MAST2: variants seen among roughly 807,000 people sequenced by gnomAD.
MAST2 encodes microtubule associated serine/threonine kinase 2.
MAST2 carries 70 observed loss-of-function variants against 147.4 expected under a neutral mutation model. That is an observed-to-expected ratio of 0.47 (90% CI 0.39 to 0.58). The LOEUF (loss-of-function observed/expected upper bound fraction) is 0.58. MAST2 is among the 20% of genes least tolerant of loss of function. MAST2 has a pLI of 0.00. For synonymous variants in MAST2, 869 were observed against 896.8 expected, an observed-to-expected ratio of 0.97 and a Z score of 0.55; for missense variants, 2,080 against 2,302.3, an observed-to-expected ratio of 0.90 and a Z score of 1.98.
chr1:45,824,582 TAA>T lies in MAST2; in HGVS notation c.325+4_325+5del. On this transcript the variant is annotated splice_donor_region_variant and intron_variant, in intron 2 of 28. Transcript: ENST00000361297. ...GAAACCTGGCCAGCTCTCTATCGGG[TAA>T]ATATCTGATTTTGTTGTTTTAAGAA... 1 of 1,578,876 alleles carries T rather than the reference TAA, an allele frequency of 6.3e-7. No individual in the cohort carries two copies. The highest frequency in any genetic ancestry group is 1.4e-5 in the African/African-American group (1 of 73,902).
rs61544126 is a variant in MAST2, at chr1:45,933,063, TAAAAA to T, written c.501-26302_501-26298del. On this transcript the variant is annotated intron_variant, in intron 4 of 28. Transcript: ENST00000361297. ...GCAACTTAGTGAGACCCCATTTCTT[TAAAAA>T]AAAAAAAAAAAAAAAAAAAAGGCCA... Among the ~76,000 whole-genome samples, 408 of 88,260 alleles carry T rather than the reference TAAAAA, an allele frequency of 4.6e-3. 2 individuals are homozygous for T. Among genetic ancestry groups the T allele is most frequent in the African/African-American group, 0.017 (382 of 21,952 alleles). The allele number at this position is 88,260 out of a possible 152,430, so 57.9% of individuals were successfully genotyped here.
At chr1:45,957,825 G>A (rs371692635) in intron 4 of MAST2, among the ~76,000 whole-genome samples, 1 of 152,198 alleles carries the variant, frequency 6.6e-6, no homozygotes, top group East Asian at 1.9e-4. Flanking sequence ...CAGCCAGCAT[G>A]ATTCTGGGTT....
intron 5 of MAST2, among the ~76,000 whole-genome samples, chr1:45,985,014 A>C (rs1371713202): frequency 6.6e-6 from 1 of 152,232 alleles, no homozygotes; most frequent in Non-Finnish European, 1.5e-5. Flanking sequence ...AACAAATGTT[A>C]CTGTGATAAA....
chr1:45,864,934 G>T (rs947609867), intron 3 of MAST2, among the ~76,000 whole-genome samples: 3 of 152,230 alleles, frequency 2.0e-5, no homozygotes, highest in South Asian at 4.1e-4. Context: ...ACGTGATTCT[G>T]ATATGAGGCA....
intron 5 of MAST2, among the ~76,000 whole-genome samples, chr1:45,969,059 CTATTTA>C (rs1414943812): frequency 6.6e-6 from 1 of 152,062 alleles, no homozygotes; most frequent in Non-Finnish European, 1.5e-5. Flanking sequence ...CTTAGAATTT[CTATTTA>C]TATTATCCAT....
intron 3 of MAST2, among the ~76,000 whole-genome samples, chr1:45,839,618 T>C (rs1645212780): frequency 6.6e-6 from 1 of 152,164 alleles, no homozygotes; most frequent in South Asian, 2.1e-4. Flanking sequence ...TCCATTAAGC[T>C]ATAGATTTAA....
At chr1:45,860,614 C>G (rs1439663712) in intron 3 of MAST2, among the ~76,000 whole-genome samples, 1 of 151,962 alleles carries the variant, frequency 6.6e-6, no homozygotes, top group Non-Finnish European at 1.5e-5. Context: ...GGCGGATCAC[C>G]TGAGGTCAGA....
chr1:46,025,960 T>G, intron 16 of MAST2, 145 bp downstream of exon 16: 5 of 1,026,366 alleles, frequency 4.9e-6, no homozygotes, highest in Non-Finnish European at 7.3e-6. Flanking sequence ...CCTAGTTCTC[T>G]AGCCCCCCGA....
At chr1:45,955,935 T>C (rs979244426) in intron 4 of MAST2, among the ~76,000 whole-genome samples, 3 of 152,174 alleles carry the variant, frequency 2.0e-5, no homozygotes, top group Non-Finnish European at 4.4e-5. Context: ...ATATAATAGA[T>C]TGTATGACTG....
At chr1:45,989,431 GT>G (rs1343209232) in intron 5 of MAST2, among the ~76,000 whole-genome samples, 1 of 152,100 alleles carries the variant, frequency 6.6e-6, no homozygotes, top group Non-Finnish European at 1.5e-5. Flanking sequence ...CATTTCCAAA[GT>G]TTCTTACGTC....
At chr1:45,980,603 C>T (rs764676487) in intron 5 of MAST2, among the ~76,000 whole-genome samples, 5 of 152,148 alleles carry the variant, frequency 3.3e-5, no homozygotes, top group East Asian at 1.9e-4. Flanking sequence ...GGCATGATCA[C>T]GGCTCATTGC....
chr1:45,833,746 G>A (rs936352902), intron 3 of MAST2, among the ~76,000 whole-genome samples: 1 of 151,976 alleles, frequency 6.6e-6, no homozygotes, highest in African/African-American at 2.4e-5. Flanking sequence ...TGTCTATTTG[G>A]ATTATTGGCC....
At chr1:45,863,922 A>G (rs920127336) in intron 3 of MAST2, among the ~76,000 whole-genome samples, 1 of 152,174 alleles carries the variant, frequency 6.6e-6, no homozygotes, top group African/African-American at 2.4e-5. Flanking sequence ...TTCACTAACA[A>G]TTTTGTGTGT....
At chr1:46,022,751 G>A (rs1434173731) in intron 12 of MAST2, among the ~76,000 whole-genome samples, 159 bp from the exon 13 acceptor site, 1 of 152,184 alleles carries the variant, frequency 6.6e-6, no homozygotes, top group African/African-American at 2.4e-5. Flanking sequence ...CAAAAGCTGG[G>A]ACTACATTGG....
At chr1:45,820,585 A>G (rs1393331446) in intron 1 of MAST2, among the ~76,000 whole-genome samples, 3 of 152,116 alleles carry the variant, frequency 2.0e-5, no homozygotes, top group Non-Finnish European at 2.9e-5. Context: ...TAGATTTATA[A>G]TTTTTTAATG....
intron 4 of MAST2, among the ~76,000 whole-genome samples, chr1:45,919,922 T>C (rs1349435510): frequency 1.3e-5 from 2 of 152,214 alleles, no homozygotes; most frequent in Admixed American, 1.3e-4. Context: ...TTTTAGCTTG[T>C]TGTTTGCTAG....
At chr1:46,024,021 A>T (rs930900554) in intron 15 of MAST2, 41 bp downstream of exon 15, 1 of 1,590,952 alleles carries the variant, frequency 6.3e-7, no homozygotes, top group Non-Finnish European at 8.6e-7. Context: ...GCCAAGGCAC[A>T]GTCTGAGACT....
chr1:45,889,772 AT>A (rs374925761), intron 4 of MAST2, among the ~76,000 whole-genome samples: 81 of 145,626 alleles, frequency 5.6e-4, no homozygotes, highest in Admixed American at 6.2e-4. Flanking sequence ...CACCCAGCTA[AT>A]TTTTTTTTTT....
intron 5 of MAST2, among the ~76,000 whole-genome samples, chr1:45,993,172 T>A (rs1395530637): frequency 6.6e-6 from 1 of 152,070 alleles, no homozygotes; most frequent in Non-Finnish European, 1.5e-5. Flanking sequence ...TTAAAGAGAT[T>A]TAAATAATAA....
Sources: gnomAD v4.1 joint callset for allele counts (sites outside exome capture counted in the v4.1 genomes callset) on GRCh38, gnomAD v4.1.1 for gene constraint, MANE v1.5 for transcripts, NCBI Gene and HGNC (gene_info 2026-07-23, HGNC 2026-07-21) for gene names.